Variants in OPRM1 observed in about 807,000 individuals in gnomAD.
The protein encoded by OPRM1 is mu-type opioid receptor.
Under a neutral mutation model 31.8 loss-of-function variants are expected in OPRM1, and 27 were observed. The ratio of observed to expected loss-of-function variants is 0.85; its 90% confidence interval spans 0.63 to 1.17. The LOEUF is 1.17. Ranked by LOEUF, OPRM1 falls within the 50% of genes most tolerant of loss-of-function variation. The pLI is 0.00. For missense variants in OPRM1, 536 were observed against 511.1 expected, an observed-to-expected ratio of 1.05 and a Z score of -0.47; for synonymous variants, 196 against 189.9, an observed-to-expected ratio of 1.03 and a Z score of -0.26.
Position 154,039,799 on chromosome 6 carries a change from C to G in OPRM1, c.255C>G (p.Leu85=), listed in dbSNP as rs1779670174. 1 of 1,596,328 alleles carries G rather than the reference C, an allele frequency of 6.3e-7. No homozygotes were observed. Residue 85 remains leucine, a synonymous_variant, in exon 1 of 4, where the codon CTC becomes CTG. Transcript: ENST00000330432. ...ACTCCATCGTGTGCGTGGTGGGGCT[C>G]TTCGGAAACTTCCTGGTCATGTATG... The part of the protein sequence containing the change: ...ALYSIVCVVG[L]FGNFLVMYVI...
chr6:154,038,488 C>T (rs1310378711), upstream of OPRM1, among the ~76,000 whole-genome samples: 1 of 152,070 alleles, frequency 6.6e-6, no homozygotes, highest in Non-Finnish European at 1.5e-5. Context: ...GTGGCTTTTC[C>T]TAGAATTTTT....
At position 154,152,347 on chromosome 6, in the gene OPRM1, G is replaced by GAAAGAAAGAAAAGAAAGAAAGAAA; in HGVS notation, c.1164+60875_1164+60876insAAAGAAAGAAAAGAAAGAAAGAAA. ...AGAAAGAAAGAAAGAAAGAAAGAAAGGAAAGAAAGAAAGAAAGAAAGAAAG... is the reference window on the plus strand; with the variant it reads ...AGAAAGAAAGAAAGAAAGAAAGAAAGAAAGAAAGAAAAGAAAGAAAGAAAGAAAGAAAGAAAGAAAGAAAGAAAG... On this transcript the variant is annotated intron_variant, in intron 3 of 3. Coordinates refer to the OPRM1 transcript ENST00000337049. 4.6e-4 allele frequency among the ~76,000 whole-genome samples: 30 copies of GAAAGAAAGAAAAGAAAGAAAGAAA among 65,202 alleles called. 1 individual carries two copies. The highest frequency in any genetic ancestry group is 1.3e-3 in the South Asian group (2 of 1,572). 42.8% of individuals were successfully genotyped at this position (65,202 alleles called of 152,430 possible). A position where few individuals can be genotyped will look rare whatever the true frequency, so the allele number is the denominator to read the frequency against.
intron 3 of OPRM1, among the ~76,000 whole-genome samples, chr6:154,245,294 A>G (rs1335441661): frequency 6.6e-6 from 1 of 152,220 alleles, no homozygotes; most frequent in Non-Finnish European, 1.5e-5. Context: ...TTGGAAAAAA[A>G]AAATGTATTT....
rs1797604001 is a variant in OPRM1 at position 154,126,699 on chromosome 6, T to C, written c.*7978T>C. ...TGGCTTCCATGGTTGTTCACTGCTC[T>C]GTGTTAGGAAGGCTCAGTGACAGGT... On this transcript the variant is annotated 3_prime_UTR_variant, in exon 4 of 4. Coordinates refer to ENST00000330432, the MANE Select transcript of OPRM1 (RefSeq NM_000914.5). Among the ~76,000 whole-genome samples the C allele has an allele frequency of 6.6e-6, 1 of 152,146 alleles. No individual in the cohort carries two copies. Among genetic ancestry groups the C allele is most frequent in the Admixed American group, 6.6e-5 (1 of 15,266 alleles).
chr6:154,107,072 A>G (rs1795684648), intron 3 of OPRM1, among the ~76,000 whole-genome samples: 1 of 152,220 alleles, frequency 6.6e-6, no homozygotes, highest in African/African-American at 2.4e-5. Context: ...ATATAAACAT[A>G]CAACACATAT....
chr6:154,177,351 A>G (rs567051869), intron 3 of OPRM1, among the ~76,000 whole-genome samples: 4 of 152,378 alleles, frequency 2.6e-5, no homozygotes, highest in African/African-American at 9.6e-5. Flanking sequence ...GTGAACAGGC[A>G]ACCTACAGAA....
chr6:154,116,752 A>G (rs1796927046), intron 3 of OPRM1, among the ~76,000 whole-genome samples: 1 of 152,150 alleles, frequency 6.6e-6, no homozygotes, highest in Non-Finnish European at 1.5e-5. Flanking sequence ...CACATGAGAC[A>G]GCCTTGGTTC....
intron 3 of OPRM1, 132 bp from the exon 4 acceptor site, chr6:154,118,551 A>C: frequency 1.3e-6 from 1 of 766,036 alleles, no homozygotes; most frequent in Non-Finnish European, 2.2e-6. Flanking sequence ...CATTTAAGAA[A>C]AACTGAGGCT....
intron 3 of OPRM1, among the ~76,000 whole-genome samples, chr6:154,111,932 A>T (rs1796405107): frequency 1.3e-5 from 2 of 152,022 alleles, no homozygotes; most frequent in South Asian, 4.2e-4. Context: ...CGCCCAGCTA[A>T]TTTTTTGTAT....
chr6:154,206,740 T>C (rs1013492725), intron 3 of OPRM1, among the ~76,000 whole-genome samples: 1 of 152,142 alleles, frequency 6.6e-6, no homozygotes, highest in African/African-American at 2.4e-5. Flanking sequence ...GAAAGATACT[T>C]AGAAGGTGGG....
At chr6:154,079,201 G>A (rs1400546268) in intron 1 of OPRM1, among the ~76,000 whole-genome samples, 2 of 152,188 alleles carry the variant, frequency 1.3e-5, no homozygotes, top group Non-Finnish European at 2.9e-5. Context: ...CTGGAATTCT[G>A]GAGACATTTC....
intron 3 of OPRM1, among the ~76,000 whole-genome samples, chr6:154,202,436 T>G (rs1777147568): frequency 6.6e-6 from 1 of 152,174 alleles, no homozygotes; most frequent in East Asian, 1.9e-4. Context: ...GTTAGCAGGA[T>G]CTACAAAATA....
chr6:154,024,302 C>G (rs185509708), intron 1 of OPRM1, among the ~76,000 whole-genome samples: 252 of 152,098 alleles, frequency 1.7e-3, no homozygotes, highest in Admixed American at 5.5e-3. Flanking sequence ...TCAATCTCCT[C>G]TAGATTTCCC....
At chr6:154,138,540 G>A (rs150925564) in intron 3 of OPRM1, among the ~76,000 whole-genome samples, 343 of 152,250 alleles carry the variant, frequency 2.3e-3, no homozygotes, top group African/African-American at 7.6e-3. Flanking sequence ...TGTGTTTGCC[G>A]GGAAGGAGCG....
At position 154,168,715 on chromosome 6, in the gene OPRM1, C is replaced by A. The variant is rs1562520665; in HGVS notation, c.1164+77243C>A. ...ACACCTCCCAGGTTCAAGTGATTCT[C>A]CTGTCTCAGCCTCCCAAGTAGCTGG... On this transcript the variant is annotated intron_variant, in intron 3 of 3. Coordinates refer to the OPRM1 transcript ENST00000337049. This position sits in a 1 kb window ranked among gnomAD's most constrained non-coding sequence, Gnocchi z 4.1. Among the ~76,000 whole-genome samples the A allele has an allele frequency of 2.6e-5, 4 of 152,082 alleles. No homozygotes were observed. The highest frequency in any genetic ancestry group is 6.5e-5 in the Admixed American group (1 of 15,276).
intron 1 of OPRM1, among the ~76,000 whole-genome samples, chr6:154,041,942 T>C (rs1420596004): frequency 6.6e-6 from 1 of 152,344 alleles, no homozygotes; most frequent in East Asian, 1.9e-4. Flanking sequence ...AATGAGCAGA[T>C]TGGTCTTATT....
chr6:154,029,748 G>A (rs1409010046), intron 1 of OPRM1, among the ~76,000 whole-genome samples: 1 of 152,120 alleles, frequency 6.6e-6, no homozygotes, highest in Non-Finnish European at 1.5e-5. Context: ...GAATCCTAGG[G>A]GCAGTTACCT....
At chr6:154,099,478 GAA>G (rs1794101608) in intron 3 of OPRM1, among the ~76,000 whole-genome samples, 2 of 147,034 alleles carry the variant, frequency 1.4e-5, no homozygotes, top group African/African-American at 5.1e-5. Flanking sequence ...GAAAAAGAAA[GAA>G]AGAAAGAAGG....
intron 3 of OPRM1, among the ~76,000 whole-genome samples, chr6:154,189,375 C>G (rs947297072): frequency 6.6e-6 from 1 of 152,064 alleles, no homozygotes; most frequent in Non-Finnish European, 1.5e-5. Flanking sequence ...AATTCCATTT[C>G]CAGGTGTATA....
Sources: allele counts gnomAD v4.1 joint callset (sites outside exome capture counted in the v4.1 genomes callset), GRCh38; gene constraint gnomAD v4.1.1; non-coding constraint Gnocchi (gnomAD v3.1); transcripts MANE v1.5; gene names NCBI Gene and HGNC (gene_info 2026-07-23, HGNC 2026-07-21).